The following CLEC16A variants were observed in gnomAD, a reference collection of about 807,000 sequenced individuals.
CLEC16A encodes protein CLEC16A.
In CLEC16A, 51 loss-of-function variants were observed where a neutral mutation model predicts 109.5. The ratio of observed to expected loss-of-function variants is 0.47; its 90% CI spans 0.37 to 0.59. CLEC16A has a LOEUF of 0.59. Among genes scored for constraint, CLEC16A ranks in the 20% least tolerant of loss-of-function variants. The pLI, the probability that CLEC16A is intolerant of heterozygous loss-of-function variation, is 0.00. For synonymous variants in CLEC16A, 673 were observed against 564.2 expected, an observed-to-expected ratio of 1.19 and a Z score of -2.73; for missense variants, 1,339 against 1,394.0, an observed-to-expected ratio of 0.96 and a Z score of 0.63.
intron 19 of CLEC16A, among the ~76,000 whole-genome samples, chr16:11,085,914 A>G (rs971164555): frequency 1.3e-5 from 2 of 152,108 alleles, no homozygotes; most frequent in African/African-American, 4.8e-5. Context: ...TCAACCTGAG[A>G]TTGGGCGGGG....
chr16:11,057,959 G>C (rs544397086), intron 18 of CLEC16A, among the ~76,000 whole-genome samples: 22 of 152,326 alleles, frequency 1.4e-4, no homozygotes, highest in African/African-American at 5.1e-4. Context: ...CATAGTATGC[G>C]GCAGGCCATG....
chr16:10,945,283 A>G (rs1567480218), intron 1 of CLEC16A, among the ~76,000 whole-genome samples: 1 of 152,208 alleles, frequency 6.6e-6, no homozygotes, highest in African/African-American at 2.4e-5. Flanking sequence ...AGTTGGTTGG[A>G]TAAGAGAATG....
intron 19 of CLEC16A, among the ~76,000 whole-genome samples, chr16:11,061,907 G>A (rs1227347217): frequency 6.6e-6 from 1 of 152,196 alleles, no homozygotes; most frequent in Non-Finnish European, 1.5e-5. Context: ...ATCCTCAGGA[G>A]GGCTCTCACC....
intron 13 of CLEC16A, among the ~76,000 whole-genome samples, chr16:11,028,689 G>C (rs557647254): frequency 1.1e-4 from 17 of 152,110 alleles, no homozygotes; most frequent in African/African-American, 4.1e-4. Flanking sequence ...TGTGAATTTT[G>C]GGACATGTAT....
chr16:10,995,489 G>A (rs552150668), intron 10 of CLEC16A, among the ~76,000 whole-genome samples: 20 of 152,316 alleles, frequency 1.3e-4, no homozygotes, highest in African/African-American at 4.8e-4. Flanking sequence ...GTAAGTTGCT[G>A]GGAGCTTGGG....
Position 11,139,392 on chromosome 16 carries a change from G to A in CLEC16A, c.2641+13246G>A, listed in dbSNP as rs985082871. On this transcript the variant is annotated intron_variant, in intron 22 of 23. Transcript: ENST00000409790. Reference sequence around the variant, plus strand: ...TAAAATACAGTTTTCTTTATTTGCAGCTGTCCAGCCATGGCATTTAGTATA... The same window carrying A: ...TAAAATACAGTTTTCTTTATTTGCAACTGTCCAGCCATGGCATTTAGTATA... Among the ~76,000 whole-genome samples, 13 of 152,278 alleles carry A rather than the reference G, an allele frequency of 8.5e-5. No homozygotes were observed. In the South Asian group the frequency reaches 1.5e-3, roughly 17 times the overall value.
chr16:11,070,038 C>G (rs1390914871), intron 19 of CLEC16A, among the ~76,000 whole-genome samples: 1 of 151,496 alleles, frequency 6.6e-6, no homozygotes, highest in Non-Finnish European at 1.5e-5. Flanking sequence ...TACCTTCTCT[C>G]CCAGCTTCTC....
intron 1 of CLEC16A, among the ~76,000 whole-genome samples, chr16:10,947,927 T>C (rs11643340): frequency 0.32 from 48,064 of 151,870 alleles, 9,697 homozygotes; most frequent in East Asian, 0.58. Flanking sequence ...AGAGTCTTGC[T>C]CTGTTGCCCA....
chr16:11,155,080 C>G (rs1173666863), intron 22 of CLEC16A, among the ~76,000 whole-genome samples: 1 of 152,104 alleles, frequency 6.6e-6, no homozygotes, highest in Non-Finnish European at 1.5e-5. Context: ...GAGCCGGGAT[C>G]ATGCCACTGC....
intron 22 of CLEC16A, among the ~76,000 whole-genome samples, chr16:11,139,258 A>T (rs2053711599): frequency 6.6e-6 from 1 of 152,160 alleles, no homozygotes; most frequent in Non-Finnish European, 1.5e-5. Flanking sequence ...AGAACCTCCA[A>T]GCTTGGCATG....
chr16:11,152,508 C>G (rs1162030580), intron 22 of CLEC16A, among the ~76,000 whole-genome samples: 1 of 152,190 alleles, frequency 6.6e-6, no homozygotes, highest in Non-Finnish European at 1.5e-5. Flanking sequence ...AGCTGCTGGT[C>G]CAGGACATTG....
At chr16:11,103,146 G>A (rs974135163) in intron 19 of CLEC16A, among the ~76,000 whole-genome samples, 4 of 152,228 alleles carry the variant, frequency 2.6e-5, no homozygotes, top group Non-Finnish European at 4.4e-5. Context: ...GGTGGAAAAT[G>A]GGAGGCTAGT....
intron 19 of CLEC16A, among the ~76,000 whole-genome samples, chr16:11,107,129 C>G (rs1209530104): frequency 1.3e-5 from 2 of 152,232 alleles, no homozygotes; most frequent in Admixed American, 6.5e-5. Flanking sequence ...CAGCTCAAAC[C>G]TTAAAACCAA....
At chr16:11,099,596 A>T (rs2050793092) in intron 19 of CLEC16A, among the ~76,000 whole-genome samples, 1 of 152,200 alleles carries the variant, frequency 6.6e-6, no homozygotes, top group South Asian at 2.1e-4. Flanking sequence ...AAATCAGGAA[A>T]CAAGAAAGGC....
chr16:11,067,188 T>G (rs1420102974), intron 19 of CLEC16A, among the ~76,000 whole-genome samples: 3 of 112,924 alleles, frequency 2.7e-5, no homozygotes, highest in African/African-American at 9.8e-5. Flanking sequence ...TGTTTGTTTT[T>G]GTTTTTTTTT....
chr16:10,960,859 A>G (rs1413019428), intron 2 of CLEC16A, among the ~76,000 whole-genome samples: 2 of 152,148 alleles, frequency 1.3e-5, no homozygotes, highest in South Asian at 4.1e-4. Flanking sequence ...AGCCTTGGCT[A>G]TTAGGAGCTC....
intron 13 of CLEC16A, among the ~76,000 whole-genome samples, chr16:11,026,153 TGGTTTTGCTATCAG>T (rs535013372): frequency 1.2e-3 from 184 of 152,376 alleles, no homozygotes; most frequent in African/African-American, 4.3e-3. Context: ...TTCTCTTGTC[TGGTTTTGCTATCAG>T]GGTTATGCTC....
At chr16:11,090,779 G>T (rs965217916) in intron 19 of CLEC16A, among the ~76,000 whole-genome samples, 1 of 151,144 alleles carries the variant, frequency 6.6e-6, no homozygotes, top group South Asian at 2.1e-4. Context: ...CAAGTAGCTG[G>T]GATTACAGGC....
chr16:11,038,556 A>AGTG (rs2047149879), intron 13 of CLEC16A, among the ~76,000 whole-genome samples: 1 of 152,156 alleles, frequency 6.6e-6, no homozygotes, highest in Non-Finnish European at 1.5e-5. Flanking sequence ...TTTAGGAGAA[A>AGTG]TGACAACAGG....
Sources: allele counts gnomAD v4.1 joint callset (sites outside exome capture counted in the v4.1 genomes callset), GRCh38; gene constraint gnomAD v4.1.1; transcripts MANE v1.5; gene names NCBI Gene and HGNC (gene_info 2026-07-23, HGNC 2026-07-21).